Variants in PDE1C observed in about 807,000 individuals in gnomAD.
PDE1C encodes dual specificity calcium/calmodulin-dependent 3',5'-cyclic nucleotide phosphodiesterase 1C.
A neutral mutation model predicts 93.1 loss-of-function variants in PDE1C; 62 were observed. The ratio of observed to expected loss-of-function variants is 0.67; its 90% CI spans 0.54 to 0.82. PDE1C has a LOEUF of 0.82. Among genes scored for constraint, PDE1C ranks in the 40% least tolerant of loss-of-function variants. PDE1C has a pLI of 0.00. For synonymous variants in PDE1C, 325 were observed against 310.1 expected, an observed-to-expected ratio of 1.05 and a Z score of -0.50; for missense variants, 742 against 884.6, an observed-to-expected ratio of 0.84 and a Z score of 2.04.
chr7:32,052,622 C>T (rs1031090429), intron 1 of PDE1C, among the ~76,000 whole-genome samples: 5 of 152,148 alleles, frequency 3.3e-5, no homozygotes, highest in African/African-American at 1.2e-4. Flanking sequence ...TCACTGTACC[C>T]AGGAAGCAAA....
intron 2 of PDE1C, among the ~76,000 whole-genome samples, chr7:32,026,089 C>A (rs1041087154): frequency 6.6e-6 from 1 of 151,804 alleles, no homozygotes. Flanking sequence ...CACATACACA[C>A]ACACGCGTGC....
intron 1 of PDE1C, among the ~76,000 whole-genome samples, chr7:32,284,521 TAA>T (rs2128894032): frequency 6.6e-6 from 1 of 152,344 alleles, no homozygotes; most frequent in Non-Finnish European, 1.5e-5. Context: ...GCTTCTTTAT[TAA>T]GTCTTGACCA....
chr7:31,760,794 A>G (rs571192265), intron 17 of PDE1C, among the ~76,000 whole-genome samples: 1 of 149,138 alleles, frequency 6.7e-6, no homozygotes, highest in East Asian at 2.0e-4. Context: ...ACACACACAC[A>G]CCAAACCACA....
chr7:31,804,206 T>G (rs896052762), intron 16 of PDE1C, among the ~76,000 whole-genome samples: 10 of 151,874 alleles, frequency 6.6e-5, no homozygotes, highest in African/African-American at 9.7e-5. Flanking sequence ...ATGTCTTGCT[T>G]TTAAGATTGT....
chr7:31,947,428 T>C (rs1201177558), intron 2 of PDE1C, among the ~76,000 whole-genome samples: 1 of 152,156 alleles, frequency 6.6e-6, no homozygotes, highest in Non-Finnish European at 1.5e-5. Flanking sequence ...TCATGTTATA[T>C]TTGACTGAGT....
At chr7:32,165,302 C>G (rs193159438) in intron 3 of PDE1C, among the ~76,000 whole-genome samples, 4 of 152,168 alleles carry the variant, frequency 2.6e-5, no homozygotes, top group Admixed American at 1.3e-4. Context: ...CATTCACATG[C>G]GTTATCTCCT....
At chr7:31,642,650 C>G in the PDE1C span, 1 of 1,593,266 alleles carries the variant, frequency 6.3e-7, no homozygotes. Flanking sequence ...CACTTCCTGA[C>G]CTGTTTCCCT....
At chr7:31,627,962 T>A in the PDE1C span, among the ~76,000 whole-genome samples, 299 of 152,302 alleles carry the variant, frequency 2.0e-3, 1 homozygote, top group African/African-American at 6.8e-3. Context: ...AGGGGCTATT[T>A]ACTGAAGTGG....
intron 1 of PDE1C, among the ~76,000 whole-genome samples, chr7:32,247,041 A>T (rs1809012779): frequency 6.6e-6 from 1 of 152,254 alleles, no homozygotes; most frequent in Non-Finnish European, 1.5e-5. Flanking sequence ...CTGTAAGTAC[A>T]TAAATTAGTG....
intron 1 of PDE1C, among the ~76,000 whole-genome samples, chr7:32,361,796 C>T (rs1292430896): frequency 2.6e-5 from 4 of 152,174 alleles, no homozygotes; most frequent in Non-Finnish European, 4.4e-5. Context: ...CAATGCCGCT[C>T]TCCTCCCAAA....
At chr7:32,390,753 G>A (rs1458280025) in intron 1 of PDE1C, among the ~76,000 whole-genome samples, 1 of 151,946 alleles carries the variant, frequency 6.6e-6, no homozygotes, top group Non-Finnish European at 1.5e-5. Flanking sequence ...AGGCTGAGGT[G>A]GAGGTGGGAG....
intron 3 of PDE1C, among the ~76,000 whole-genome samples, chr7:32,114,349 C>A (rs1798862739): frequency 6.6e-6 from 1 of 152,104 alleles, no homozygotes; most frequent in Admixed American, 6.6e-5. Flanking sequence ...TTTGACAAAC[C>A]TGACAAAAAC....
intron 2 of PDE1C, among the ~76,000 whole-genome samples, chr7:31,989,550 T>A (rs1783899947): frequency 6.6e-6 from 1 of 152,084 alleles, no homozygotes; most frequent in Non-Finnish European, 1.5e-5. Context: ...AACAATGAGG[T>A]TTTTGCCTTC....
chr7:32,210,962 G>C (rs1805979888), intron 1 of PDE1C, among the ~76,000 whole-genome samples: 1 of 152,152 alleles, frequency 6.6e-6, no homozygotes, highest in South Asian at 2.1e-4. Flanking sequence ...CACGCCTGTA[G>C]TCCGGCACTT....
At chr7:31,695,321 T>C in the PDE1C span, 3 of 575,714 alleles carry the variant, frequency 5.2e-6, no homozygotes, top group Non-Finnish European at 8.3e-6. Flanking sequence ...AAGTCCTTTG[T>C]GGAATAGGCC....
intron 7 of PDE1C, among the ~76,000 whole-genome samples, chr7:31,854,573 C>T (rs1793759096): frequency 1.3e-5 from 2 of 152,036 alleles, no homozygotes; most frequent in African/African-American, 2.4e-5. Context: ...GCCACTTGTT[C>T]CCGCATATAG....
chr7:31,679,799 G>T, the PDE1C span, among the ~76,000 whole-genome samples: 2 of 152,138 alleles, frequency 1.3e-5, no homozygotes, highest in Non-Finnish European at 2.9e-5. Context: ...TTATATGAAC[G>T]CTTGAGGTAA....
the PDE1C span, among the ~76,000 whole-genome samples, chr7:31,685,802 TTCC>T: frequency 1.3e-5 from 2 of 152,182 alleles, no homozygotes; most frequent in African/African-American, 4.8e-5. Context: ...ATCTAGGGCC[TTCC>T]CTTCCTAGAC....
At chr7:31,753,900 A>G (rs2128595127) in intron 17 of PDE1C, among the ~76,000 whole-genome samples, 1 of 152,356 alleles carries the variant, frequency 6.6e-6, no homozygotes, top group Admixed American at 6.5e-5. Flanking sequence ...CAGGTATATC[A>G]TTAACAGCAT....
Sources: allele counts gnomAD v4.1 joint callset (sites outside exome capture counted in the v4.1 genomes callset), GRCh38; gene constraint gnomAD v4.1.1; transcripts MANE v1.5; gene names NCBI Gene and HGNC (gene_info 2026-07-23, HGNC 2026-07-21).